Variants in USP36 observed in about 807,000 individuals in gnomAD.
The protein encoded by USP36 is ubiquitin specific peptidase 36, also known as ubiquitin carboxyl-terminal hydrolase 36.
USP36 carries 59 observed loss-of-function variants against 111.5 expected under a neutral mutation model. That is an observed-to-expected ratio of 0.53 (90% CI 0.43 to 0.66). The LOEUF is 0.66. Among genes scored for constraint, USP36 ranks in the 30% least tolerant of loss-of-function variants. USP36 has a pLI of 0.00. For missense variants in USP36, 1,488 were observed against 1,468.0 expected (o/e 1.01, Z -0.22); for synonymous variants, 628 against 581.0 (o/e 1.08, Z -1.16).
At chr17:78,836,040 C>A in intron 3 of USP36, 71 bp downstream of exon 3, 1 of 1,563,812 alleles carries the variant, frequency 6.4e-7, no homozygotes, top group Admixed American at 1.9e-5. Flanking sequence ...ACTAATTAGT[C>A]AATATTTAAG....
intron 3 of USP36, 45 bp downstream of exon 3, chr17:78,836,066 A>T: frequency 1.3e-6 from 2 of 1,596,144 alleles, no homozygotes; most frequent in Non-Finnish European, 1.7e-6. Flanking sequence ...CCACTTCGTC[A>T]CCCCGGAGTG....
chr17:78,799,531 A>T (rs2093688442), intron 18 of USP36, 136 bp downstream of exon 18: 48 of 722,786 alleles, frequency 6.6e-5, no homozygotes, highest in South Asian at 1.2e-4. Context: ...CAGTGTTGAG[A>T]TTCCTCTTCC....
chr17:78,787,670 A>T (rs2093546920), intron 3 of USP36: 1 of 152,218 alleles, frequency 6.6e-6, no homozygotes, highest in South Asian at 2.1e-4. Flanking sequence ...TGTGAGGTAG[A>T]GATTGGGAGC....
intron 3 of USP36, 22 bp downstream of exon 3, chr17:78,836,089 C>T (rs200421297): frequency 5.6e-6 from 9 of 1,608,300 alleles, no homozygotes; most frequent in East Asian, 2.2e-5. Flanking sequence ...GGCCTCTCTG[C>T]CAGCACACTG....
At chr17:78,831,519 A>T (rs1188794053) in intron 4 of USP36, among the ~76,000 whole-genome samples, 1 of 151,870 alleles carries the variant, frequency 6.6e-6, no homozygotes, top group African/African-American at 2.4e-5. Context: ...AGGATGAGGG[A>T]AGAGAATCGC....
At position 78,836,332 on chromosome 17, in the gene USP36, A is replaced by G; in HGVS notation, c.32T>C (p.Leu11Pro). The G allele has an allele frequency of 2.5e-6, 4 of 1,614,118 alleles. No homozygotes were observed. Among genetic ancestry groups the G allele is most frequent in the Non-Finnish European group, 3.4e-6 (4 of 1,180,012 alleles). ...AGCCGAGTCCTTGCGGCCGGGTTTC[A>G]GGGCCTCCTTCAACTTATCCACTAT... is the stretch of plus-strand genomic sequence containing the variant. MPIVDKLKEA[L>P]KPGRKDSADD... Residue 11 changes from leucine (L) to proline (P), a missense_variant, in exon 3 of 21, where the codon CTG becomes CCG. Leu to Pro is a moderately conservative substitution (Grantham distance 98). Transcript: ENST00000449938.
chr17:78,835,087 C>T (rs1333112331), intron 4 of USP36, among the ~76,000 whole-genome samples, 193 bp downstream of exon 4: 3 of 151,644 alleles, frequency 2.0e-5, no homozygotes, highest in Non-Finnish European at 4.4e-5. Context: ...CGAACACAGC[C>T]CCACCTGACC....
downstream of USP36, among the ~76,000 whole-genome samples, chr17:78,793,392 C>T (rs975482109): frequency 2.6e-5 from 4 of 152,120 alleles, no homozygotes; most frequent in South Asian, 2.1e-4. Context: ...CAGAGCCCAA[C>T]GAAGAAGGGC....
At chr17:78,810,437 G>A (rs2094021016) in intron 13 of USP36, among the ~76,000 whole-genome samples, 1 of 152,156 alleles carries the variant, frequency 6.6e-6, no homozygotes, top group Non-Finnish European at 1.5e-5. Flanking sequence ...ACAGGCACGT[G>A]CCATTAAACC....
At chr17:78,816,804 G>A (rs2094200538) in intron 10 of USP36, among the ~76,000 whole-genome samples, 1 of 151,974 alleles carries the variant, frequency 6.6e-6, no homozygotes, top group Non-Finnish European at 1.5e-5. Context: ...CTGAGTTGTG[G>A]GATTTGTTGA....
At chr17:78,816,758 T>C (rs2376828) in intron 10 of USP36, among the ~76,000 whole-genome samples, 63,765 of 152,078 alleles carry the variant, frequency 0.42, 15,005 homozygotes, top group Non-Finnish European at 0.53. Flanking sequence ...ATTAGAGTTG[T>C]GAGCCATTGT....
Position 78,807,560 on chromosome 17 carries a change from G to C in USP36, c.1484C>G (p.Thr495Ser). 1 of 1,609,698 alleles carries C rather than the reference G, an allele frequency of 6.2e-7. No individual in the cohort carries two copies. Among genetic ancestry groups the C allele is most frequent in the Non-Finnish European group, 8.5e-7 (1 of 1,177,924 alleles). The change falls in exon 14 of 21, where the codon ACC becomes AGC. Residue 495 changes from threonine (T) to serine (S), a missense_variant. By Grantham distance (58) the Thr-to-Ser change is moderately conservative. Transcript: ENST00000449938. ...GCCGTTCTGGGACTTCAGGCCCAGGGTGGAGCCATTCCTGGATATGGGCAC... is the reference window on the plus strand; with the variant it reads ...GCCGTTCTGGGACTTCAGGCCCAGGCTGGAGCCATTCCTGGATATGGGCAC... ...IGVPISRNGSTLGLKSQNGCI... is the reference protein window; with the variant it reads ...IGVPISRNGSSLGLKSQNGCI...
Position 78,803,356 on chromosome 17 carries a change from G to T in USP36, c.2810+29C>A. The T allele has an allele frequency of 6.3e-7, 1 of 1,596,660 alleles. No homozygotes were observed. The highest frequency in any genetic ancestry group is 8.6e-7 in the Non-Finnish European group (1 of 1,168,132). On this transcript the variant is annotated intron_variant, in intron 16 of 20. Coordinates refer to ENST00000449938, the MANE Select transcript of USP36 (RefSeq NM_001385174.1). The surrounding 1 kb of genome is among the most constrained non-coding windows in gnomAD (Gnocchi z 4.6). ...TTTGCTTTGTTTCTCGTCAGAGGTA[G>T]ACAGATGCCACTTTGCTCCTGCCCT...
intron 3 of USP36, among the ~76,000 whole-genome samples, chr17:78,789,702 C>T (rs2144823634): frequency 6.6e-6 from 1 of 152,352 alleles, no homozygotes; most frequent in East Asian, 1.9e-4. Context: ...ATCCAGCTGT[C>T]ACCAACTGTT....
At position 78,802,558 on chromosome 17, in the gene USP36, A is replaced by G. The variant is rs768118276; in HGVS notation, c.2811-23T>C. The G allele has an allele frequency of 2.5e-6, 4 of 1,592,410 alleles. No homozygotes were observed. The South Asian group carries it at 4.4e-5, about 18-fold the overall frequency. On this transcript the variant is annotated intron_variant, in intron 16 of 20. Coordinates refer to ENST00000449938, the MANE Select transcript of USP36 (RefSeq NM_001385174.1). The stretch of plus-strand genomic sequence containing the variant: ...CAGCTGCTTGGAAGTGAGAGGCAGC[A>G]GTCAGCTCTGAGCAAATTGGAAGGG...
In USP36 at chr17:78,815,765, G is replaced by A. The variant is rs373562267; in HGVS notation, c.1024-1213C>T. ...TGCATACATATATGCATACATGCAC[G>A]CATAAAATACATGCACACATATATA... is the stretch of plus-strand genomic sequence containing the variant. On this transcript the variant is annotated intron_variant, in intron 10 of 20. Coordinates refer to ENST00000449938, the MANE Select transcript of USP36 (RefSeq NM_001385174.1). 6.2e-4 allele frequency among the ~76,000 whole-genome samples: 95 copies of A among 152,042 alleles called. 1 individual carries two copies. The highest frequency in any genetic ancestry group is 3.5e-3 in the Admixed American group (53 of 15,258).
chr17:78,822,658 G>A lies in USP36; in HGVS notation c.690-654C>T, dbSNP rs74001272. 8.4e-3 allele frequency among the ~76,000 whole-genome samples: 1,281 copies of A among 152,278 alleles called. 21 individuals are homozygous for A. Among genetic ancestry groups the A allele is most frequent in the African/African-American group, 0.029 (1,202 of 41,564 alleles). On this transcript the variant is annotated intron_variant, in intron 6 of 20. Transcript: ENST00000449938. The stretch of plus-strand genomic sequence containing the variant: ...CTGGGGCCTCTTCTCACCCGGACCC[G>A]GGGCTGCCTGGCGCCTCCCACGCCT...
rs749941825 is a variant in USP36 at position 78,799,650 on chromosome 17, T to C, written c.3124+17A>G. 1.2e-6 allele frequency: 2 copies of C among 1,610,464 alleles called. No individual in the cohort carries two copies. The highest frequency in any genetic ancestry group is 1.3e-5 in the African/African-American group (1 of 74,876). On this transcript the variant is annotated intron_variant, in intron 18 of 20. Coordinates refer to ENST00000449938, the MANE Select transcript of USP36 (RefSeq NM_001385174.1). ...ACCAATGAAAGGCAAACAGAAGTCC[T>C]GTCTCCAAATCAGTACCTTTTCTCC...
chr17:78,818,042 G>A (rs1050971817), intron 10 of USP36, among the ~76,000 whole-genome samples: 3 of 152,204 alleles, frequency 2.0e-5, no homozygotes, highest in African/African-American at 7.2e-5. Context: ...CGCTGATTAT[G>A]CCACTGCACT....
Sources: gnomAD v4.1 joint callset for allele counts (sites outside exome capture counted in the v4.1 genomes callset) on GRCh38, gnomAD v4.1.1 for gene constraint, Gnocchi (gnomAD v3.1) non-coding constraint, MANE v1.5 for transcripts, NCBI Gene and HGNC (gene_info 2026-07-23, HGNC 2026-07-21) for gene names.